The following PCCA variants were observed in gnomAD, a reference collection of about 807,000 sequenced individuals.
PCCA encodes the protein propionyl-CoA carboxylase alpha chain, mitochondrial.
In PCCA, 74 loss-of-function variants were observed where a neutral mutation model predicts 101.3. That is an observed-to-expected ratio of 0.73 (90% CI 0.61 to 0.89). The LOEUF is 0.89. Ranked by LOEUF, PCCA falls within the 40% of genes least tolerant of loss-of-function variation. The probability of loss-of-function intolerance (pLI) is 0.00; values close to 1 mark genes in which losing one functional copy is unlikely to be tolerated. For synonymous variants in PCCA, 294 were observed against 313.6 expected (o/e 0.94, Z 0.66); for missense variants, 891 against 907.0 (o/e 0.98, Z 0.23).
At chr13:100,359,101 AAAAAAAAAAAG>A (rs1397087242) in intron 18 of PCCA, among the ~76,000 whole-genome samples, 5 of 151,540 alleles carry the variant, frequency 3.3e-5, no homozygotes, top group African/African-American at 1.2e-4. Flanking sequence ...CTCCTCAAAA[AAAAAAAAAAAG>A]AAAAAGAAAA....
intron 21 of PCCA, among the ~76,000 whole-genome samples, chr13:100,504,337 TGAATA>T (rs1289178175): frequency 6.6e-6 from 1 of 152,124 alleles, no homozygotes; most frequent in East Asian, 1.9e-4. Context: ...ATATGAGAAT[TGAATA>T]GAAGGCCAAA....
At chr13:100,357,425 A>C (rs2152793335) in intron 18 of PCCA, among the ~76,000 whole-genome samples, 1 of 152,324 alleles carries the variant, frequency 6.6e-6, no homozygotes, top group African/African-American at 2.4e-5. Context: ...TAGCAATATC[A>C]AGTGTTCCTG....
intron 21 of PCCA, among the ~76,000 whole-genome samples, chr13:100,505,403 G>A (rs932359812): frequency 2.0e-5 from 3 of 152,168 alleles, no homozygotes; most frequent in African/African-American, 7.2e-5. Flanking sequence ...TGCATGCCTG[G>A]GAACCTCTCT....
At chr13:100,362,002 G>C (rs2074661032) in intron 18 of PCCA, among the ~76,000 whole-genome samples, 1 of 152,180 alleles carries the variant, frequency 6.6e-6, no homozygotes, top group South Asian at 2.1e-4. Context: ...CACCAAAAAT[G>C]TCCATCCACA....
At chr13:100,155,299 G>C (rs938934561) in intron 5 of PCCA, among the ~76,000 whole-genome samples, 1 of 152,214 alleles carries the variant, frequency 6.6e-6, no homozygotes, top group Non-Finnish European at 1.5e-5. Context: ...GATCCTGCAG[G>C]TGGCTGCTGG....
intron 18 of PCCA, among the ~76,000 whole-genome samples, chr13:100,341,539 G>C (rs952237079): frequency 5.3e-5 from 8 of 152,150 alleles, no homozygotes; most frequent in Non-Finnish European, 1.2e-4. Context: ...CCATAGCCAC[G>C]CGTGGTTAGC....
chr13:100,102,830 G>A (rs2047392909), intron 1 of PCCA, 53 bp from the exon 2 acceptor site: 11 of 1,186,656 alleles, frequency 9.3e-6, no homozygotes, highest in South Asian at 1.2e-5. Context: ...CTGAAAAAAT[G>A]TTCTAAAGCC....
At chr13:100,512,126 T>G (rs899157440) in intron 21 of PCCA, among the ~76,000 whole-genome samples, 1 of 152,212 alleles carries the variant, frequency 6.6e-6, no homozygotes, top group Non-Finnish European at 1.5e-5. Context: ...AGGCTTTCAA[T>G]AGGTCCACGG....
chr13:100,185,866 C>T (rs966659626), intron 6 of PCCA, among the ~76,000 whole-genome samples: 2 of 152,118 alleles, frequency 1.3e-5, no homozygotes, highest in South Asian at 4.1e-4. Context: ...AGGCTCGTCT[C>T]GAACTCCCGA....
intron 7 of PCCA, among the ~76,000 whole-genome samples, chr13:100,228,173 G>A (rs1349326185): frequency 6.6e-6 from 1 of 151,936 alleles, no homozygotes; most frequent in East Asian, 1.9e-4. Context: ...ATGCCACCAC[G>A]CCCAGCTGAT....
chr13:100,100,108 A>T (rs1357209527), intron 1 of PCCA, among the ~76,000 whole-genome samples: 4 of 152,052 alleles, frequency 2.6e-5, no homozygotes, highest in African/African-American at 9.7e-5. Context: ...CCTTTTAATA[A>T]CTCCCTAGGA....
intron 18 of PCCA, among the ~76,000 whole-genome samples, chr13:100,354,271 C>A: frequency 7.0e-6 from 1 of 142,226 alleles, no homozygotes; most frequent in South Asian, 2.2e-4. Flanking sequence ...AGAGTGAGAC[C>A]CTGTTGAAAG....
chr13:100,178,351 A>T (rs926678100), intron 6 of PCCA, among the ~76,000 whole-genome samples: 1 of 152,198 alleles, frequency 6.6e-6, no homozygotes, highest in Admixed American at 6.5e-5. Flanking sequence ...AAAAATAGAA[A>T]ATTTAGGTCT....
chr13:100,119,093 A>G (rs184566622), intron 4 of PCCA, among the ~76,000 whole-genome samples: 296 of 152,134 alleles, frequency 1.9e-3, no homozygotes, highest in Non-Finnish European at 3.7e-3. Context: ...GAGCCTGATT[A>G]CTTTGGTTAC....
chr13:100,112,017 G>A lies in PCCA; in HGVS notation c.256G>A (p.Gly86Ser). Residue 86 changes from glycine to serine, a missense_variant, in exon 4 of 24, where the codon GGC (glycine) becomes AGC (serine). Physicochemically the swap from Gly to Ser is moderately conservative, Grantham distance 56. Coordinates refer to ENST00000376285, the MANE Select transcript of PCCA (RefSeq NM_000282.4). ...CRVIRTCKKM[G>S]IKTVAIHSDV... The stretch of plus-strand genomic sequence containing the variant: ...GGTTATTAGAACTTGCAAGAAGATG[G>A]GCATTAAGACAGTTGCCATCCACAG... 2 of 1,610,354 alleles carry A rather than the reference G, an allele frequency of 1.2e-6. No individual in the cohort carries two copies. Among genetic ancestry groups the A allele is most frequent in the Non-Finnish European group, 1.7e-6 (2 of 1,178,186 alleles).
At chr13:100,184,157 G>A (rs942815760) in intron 6 of PCCA, among the ~76,000 whole-genome samples, 1 of 152,122 alleles carries the variant, frequency 6.6e-6, no homozygotes, top group Non-Finnish European at 1.5e-5. Flanking sequence ...GAACAGAGCA[G>A]GACTAAGAGA....
chr13:100,269,667 A>G (rs541756809), intron 11 of PCCA, among the ~76,000 whole-genome samples: 1 of 152,338 alleles, frequency 6.6e-6, no homozygotes, highest in Non-Finnish European at 1.5e-5. Context: ...ATTTTTAATT[A>G]CCAGACGGTA....
chr13:100,505,496 G>A (rs904089444), intron 21 of PCCA, among the ~76,000 whole-genome samples: 1 of 152,206 alleles, frequency 6.6e-6, no homozygotes, highest in African/African-American at 2.4e-5. Flanking sequence ...CTCAAACATG[G>A]AGAGCATAGA....
chr13:100,326,876 G>A (rs1438568877), intron 16 of PCCA, among the ~76,000 whole-genome samples: 1 of 152,016 alleles, frequency 6.6e-6, no homozygotes, highest in Non-Finnish European at 1.5e-5. Context: ...TTCAGCAAGG[G>A]TTTCAGTCAA....
Sources: allele counts gnomAD v4.1 joint callset (sites outside exome capture counted in the v4.1 genomes callset), GRCh38; gene constraint gnomAD v4.1.1; transcripts MANE v1.5; gene names NCBI Gene and HGNC (gene_info 2026-07-23, HGNC 2026-07-21).